Variants in BTBD9 observed in about 807,000 individuals in gnomAD.
The protein encoded by BTBD9 is BTB/POZ domain-containing protein 9.
In BTBD9, 49 loss-of-function variants were observed where a neutral mutation model predicts 64.3. The ratio of observed to expected loss-of-function variants is 0.76; its 90% CI spans 0.61 to 0.97. The LOEUF is 0.97. Ranked by LOEUF, BTBD9 falls within the 50% of genes least tolerant of loss-of-function variation. The probability of loss-of-function intolerance (pLI) is 0.00; values close to 1 mark genes in which losing one functional copy is unlikely to be tolerated. For synonymous variants in BTBD9, 260 were observed against 274.7 expected, an observed-to-expected ratio of 0.95 and a Z score of 0.53; for missense variants, 598 against 762.1, an observed-to-expected ratio of 0.78 and a Z score of 2.53.
intron 6 of BTBD9, among the ~76,000 whole-genome samples, chr6:38,364,791 A>G (rs1765121053): frequency 1.3e-5 from 2 of 152,220 alleles, no homozygotes; most frequent in African/African-American, 4.8e-5. Flanking sequence ...AAATACTAAC[A>G]TATCATACAC....
chr6:38,318,142 G>A (rs1189837121), intron 7 of BTBD9, among the ~76,000 whole-genome samples: 8 of 152,048 alleles, frequency 5.3e-5, no homozygotes, highest in African/African-American at 1.2e-4. Flanking sequence ...TGATCCACCC[G>A]CCTCAGCCTC....
chr6:38,431,533 C>A (rs1768437464), intron 6 of BTBD9, among the ~76,000 whole-genome samples: 1 of 152,152 alleles, frequency 6.6e-6, no homozygotes, highest in Non-Finnish European at 1.5e-5. Flanking sequence ...ACCCTAGATT[C>A]CCATCCCTCA....
In BTBD9 at chr6:38,175,139, C is replaced by T; in HGVS notation, c.1685G>A (p.Ser562Asn). 6.2e-7 allele frequency: 1 copy of T among 1,614,132 alleles called. No homozygotes were observed. The highest frequency in any genetic ancestry group is 8.5e-7 in the Non-Finnish European group (1 of 1,179,958). ...TTCCTCACTATTTTCCTCCTTCTGG[C>T]TGCTCTGCTGCTCTGGACACTCAAA... is the stretch of plus-strand genomic sequence containing the variant. The part of the protein sequence containing the change: ...VHFECPEQQS[S>N]QKEENSEESG... The change falls in exon 11 of 11, where the codon AGC becomes AAC. Residue 562 changes from serine to asparagine, a missense_variant. By Grantham distance (46) the Ser-to-Asn change is conservative (BLOSUM62 1). Coordinates refer to ENST00000481247, the MANE Select transcript of BTBD9 (RefSeq NM_001099272.2).
chr6:38,479,930 T>C (rs373182893), intron 6 of BTBD9, among the ~76,000 whole-genome samples: 10 of 152,114 alleles, frequency 6.6e-5, no homozygotes, highest in African/African-American at 2.4e-5. Flanking sequence ...GGTTCCGTCA[T>C]GTTGCCCAGG....
intron 1 of BTBD9, among the ~76,000 whole-genome samples, chr6:38,613,923 T>C (rs1397065842): frequency 6.6e-6 from 1 of 152,120 alleles, no homozygotes; most frequent in South Asian, 2.1e-4. Context: ...CTATGAGTAT[T>C]CTCTTCCTCT....
intron 9 of BTBD9, 85 bp from the exon 10 acceptor site, chr6:38,192,682 G>T: frequency 8.1e-7 from 1 of 1,233,436 alleles, no homozygotes; most frequent in Non-Finnish European, 1.2e-6. Flanking sequence ...GTCCACTGAG[G>T]AGGGAGGGCT....
intron 6 of BTBD9, among the ~76,000 whole-genome samples, chr6:38,528,837 G>A (rs1051560893): frequency 1.1e-4 from 16 of 152,188 alleles, no homozygotes; most frequent in African/African-American, 3.6e-4. Flanking sequence ...GGCTTCAGGT[G>A]TGTGACCCAC....
At chr6:38,430,102 T>C (rs1321177555) in intron 6 of BTBD9, among the ~76,000 whole-genome samples, 1 of 152,040 alleles carries the variant, frequency 6.6e-6, no homozygotes, top group Non-Finnish European at 1.5e-5. Context: ...AGGTAGGAGA[T>C]TATAATTCTG....
chr6:38,299,106 G>A (rs1762281008), intron 7 of BTBD9, among the ~76,000 whole-genome samples: 1 of 152,052 alleles, frequency 6.6e-6, no homozygotes. Flanking sequence ...AACATGCAGT[G>A]TTTGGTTTTT....
chr6:38,636,633 C>G (rs142114109), intron 1 of BTBD9, among the ~76,000 whole-genome samples: 1 of 152,308 alleles, frequency 6.6e-6, no homozygotes, highest in African/African-American at 2.4e-5. Context: ...TCCAACATTT[C>G]TCACCTACAC....
intron 6 of BTBD9, among the ~76,000 whole-genome samples, chr6:38,532,763 C>G (rs1029373224): frequency 6.6e-6 from 1 of 151,902 alleles, no homozygotes; most frequent in Non-Finnish European, 1.5e-5. Context: ...GCCCTTGGAC[C>G]CTGAATAACC....
intron 6 of BTBD9, among the ~76,000 whole-genome samples, chr6:38,411,212 A>G (rs1009651709): frequency 7.2e-5 from 11 of 152,234 alleles, no homozygotes; most frequent in South Asian, 4.1e-4. Context: ...TCAAAATTAG[A>G]TAAGTTGATT....
intron 6 of BTBD9, among the ~76,000 whole-genome samples, chr6:38,480,786 C>T (rs1195285248): frequency 1.3e-5 from 2 of 152,112 alleles, no homozygotes; most frequent in Non-Finnish European, 2.9e-5. Flanking sequence ...ATTCCAGTGC[C>T]AGTTTTAGAT....
At chr6:38,255,639 G>C (rs1764550487) in intron 9 of BTBD9, among the ~76,000 whole-genome samples, 1 of 152,122 alleles carries the variant, frequency 6.6e-6, no homozygotes, top group Non-Finnish European at 1.5e-5. Flanking sequence ...AAATGCCTCT[G>C]TTTGCATGTG....
At chr6:38,590,437 T>A (rs1450217622) in intron 4 of BTBD9, among the ~76,000 whole-genome samples, 1 of 152,222 alleles carries the variant, frequency 6.6e-6, no homozygotes, top group Non-Finnish European at 1.5e-5. Flanking sequence ...CAAATTTGTC[T>A]GGGCCAAAAC....
intron 6 of BTBD9, among the ~76,000 whole-genome samples, chr6:38,553,840 G>A (rs771456696): frequency 2.3e-4 from 35 of 150,736 alleles, no homozygotes; most frequent in Non-Finnish European, 3.5e-4. Context: ...GTGACAGAGC[G>A]AAACCTTGTC....
intron 7 of BTBD9, among the ~76,000 whole-genome samples, chr6:38,313,210 A>G (rs1328567085): frequency 2.6e-5 from 4 of 152,200 alleles, no homozygotes; most frequent in African/African-American, 7.2e-5. Flanking sequence ...TGCCATAAGC[A>G]TATAAAAATG....
chr6:38,516,477 T>G (rs575976277), intron 6 of BTBD9, among the ~76,000 whole-genome samples: 46 of 152,336 alleles, frequency 3.0e-4, no homozygotes, highest in African/African-American at 1.1e-3. Flanking sequence ...AGAATTTCCA[T>G]GCCTCCAATG....
intron 6 of BTBD9, among the ~76,000 whole-genome samples, chr6:38,492,988 TA>T (rs1013115397): frequency 6.6e-6 from 1 of 152,128 alleles, no homozygotes; most frequent in African/African-American, 2.4e-5. Context: ...TTTTAACCCT[TA>T]AAAAATTGTC....
Sources: allele counts gnomAD v4.1 joint callset (sites outside exome capture counted in the v4.1 genomes callset), GRCh38; gene constraint gnomAD v4.1.1; transcripts MANE v1.5; gene names NCBI Gene and HGNC (gene_info 2026-07-23, HGNC 2026-07-21).